Variants in UNC79 observed in about 807,000 individuals in gnomAD.
UNC79 encodes protein unc-79 homolog.
UNC79 carries 37 observed loss-of-function variants against 283.1 expected under a neutral mutation model. The ratio of observed to expected loss-of-function variants is 0.13; its 90% confidence interval spans 0.10 to 0.17. The LOEUF is 0.17. Among genes scored for constraint, UNC79 ranks in the 10% least tolerant of loss-of-function variants. The pLI is 1.00. For missense variants in UNC79, 2,272 were observed against 3,211.1 expected, an observed-to-expected ratio of 0.71 and a Z score of 7.07; for synonymous variants, 1,107 against 1,200.2, an observed-to-expected ratio of 0.92 and a Z score of 1.61.
intron 14 of UNC79, among the ~76,000 whole-genome samples, chr14:93,564,893 A>G (rs775672187): frequency 5.9e-5 from 9 of 152,214 alleles, no homozygotes; most frequent in South Asian, 2.1e-4. Context: ...TTAATTTCCA[A>G]TTACTTCAGG....
intron 1 of UNC79, among the ~76,000 whole-genome samples, chr14:93,416,024 G>C (rs2055446646): frequency 6.6e-6 from 1 of 151,468 alleles, no homozygotes; most frequent in African/African-American, 2.4e-5. Context: ...ATTTCCTTCA[G>C]TTCTGCTCTG....
chr14:93,593,270 T>C (rs1410658829), intron 22 of UNC79, among the ~76,000 whole-genome samples: 1 of 152,190 alleles, frequency 6.6e-6, no homozygotes, highest in Non-Finnish European at 1.5e-5. Flanking sequence ...AAAAGAGTTG[T>C]TCTTTGACAT....
chr14:93,380,180 C>T (rs936983797), intron 1 of UNC79, among the ~76,000 whole-genome samples: 1 of 152,166 alleles, frequency 6.6e-6, no homozygotes, highest in Non-Finnish European at 1.5e-5. Flanking sequence ...GGGAGGATGA[C>T]ATTTTTCTAT....
chr14:93,628,724 C>G (rs1189917447), intron 30 of UNC79, among the ~76,000 whole-genome samples: 1 of 152,072 alleles, frequency 6.6e-6, no homozygotes, highest in Non-Finnish European at 1.5e-5. Context: ...ATATTTTAAG[C>G]CAAGTGGATA....
chr14:93,391,180 G>T (rs928094406), intron 1 of UNC79, among the ~76,000 whole-genome samples: 2 of 152,116 alleles, frequency 1.3e-5, no homozygotes, highest in Non-Finnish European at 2.9e-5. Flanking sequence ...AGACAAAGGT[G>T]CCATTGCACA....
intron 1 of UNC79, among the ~76,000 whole-genome samples, chr14:93,417,576 C>T (rs376396299): frequency 1.3e-5 from 2 of 152,298 alleles, no homozygotes; most frequent in African/African-American, 4.8e-5. Context: ...CCTGCCTTGC[C>T]AGATTGGGGA....
At chr14:93,484,223 G>GT (rs1197576689) in intron 4 of UNC79, among the ~76,000 whole-genome samples, 1 of 152,148 alleles carries the variant, frequency 6.6e-6, no homozygotes, top group Non-Finnish European at 1.5e-5. Context: ...TGACTTGTCT[G>GT]TTTTTAGCAC....
chr14:93,598,709 A>C (rs1454741113), intron 24 of UNC79, among the ~76,000 whole-genome samples: 1 of 152,118 alleles, frequency 6.6e-6, no homozygotes, highest in Non-Finnish European at 1.5e-5. Flanking sequence ...TTTAGTAAAG[A>C]CAGGGTTTTG....
intron 1 of UNC79, among the ~76,000 whole-genome samples, chr14:93,360,579 C>T (rs781312953): frequency 1.3e-5 from 2 of 152,210 alleles, no homozygotes; most frequent in Non-Finnish European, 2.9e-5. Flanking sequence ...CCATGAGGCC[C>T]ACCAGAAGCA....
chr14:93,615,096 A>T (rs1366773742), intron 27 of UNC79, among the ~76,000 whole-genome samples: 1 of 152,156 alleles, frequency 6.6e-6, no homozygotes, highest in Admixed American at 6.5e-5. Context: ...GCTAGGGCTT[A>T]GGCACTCTCT....
exon 1 of UNC79, chr14:93,333,234 C>T (rs371372132): frequency 2.5e-6 from 1 of 401,598 alleles, no homozygotes; most frequent in East Asian, 3.6e-5. Context: ...TGCTCGTCGG[C>T]TGGGAGCCGG....
chr14:93,480,773 T>G (rs1317935662), intron 4 of UNC79, among the ~76,000 whole-genome samples: 5 of 152,278 alleles, frequency 3.3e-5, no homozygotes, highest in Middle Eastern at 3.4e-3. Flanking sequence ...GTTGTTTTGG[T>G]GTCTAGAAAT....
chr14:93,667,219 A>G (rs988104070), intron 40 of UNC79, among the ~76,000 whole-genome samples: 3 of 149,404 alleles, frequency 2.0e-5, no homozygotes, highest in African/African-American at 5.1e-5. Context: ...AAAGGAAGGA[A>G]CAAAGGAGGG....
intron 1 of UNC79, among the ~76,000 whole-genome samples, chr14:93,360,596 C>T (rs1489868327): frequency 1.3e-5 from 2 of 152,208 alleles, no homozygotes; most frequent in African/African-American, 2.4e-5. Context: ...AGCAATTTGC[C>T]TTCACTACCT....
At chr14:93,573,932 G>A (rs2063338799) in intron 16 of UNC79, among the ~76,000 whole-genome samples, 1 of 152,222 alleles carries the variant, frequency 6.6e-6, no homozygotes, top group Non-Finnish European at 1.5e-5. Context: ...TTGAGCCCAG[G>A]AGATCGAGGC....
At chr14:93,584,917 G>A (rs988724367) in intron 20 of UNC79, among the ~76,000 whole-genome samples, 3 of 151,298 alleles carry the variant, frequency 2.0e-5, no homozygotes, top group Non-Finnish European at 4.4e-5. Flanking sequence ...GGCCGGTCTC[G>A]AACTCCTGAC....
intron 29 of UNC79, 37 bp downstream of exon 30, chr14:93,618,391 T>A (rs1476260535): frequency 6.5e-7 from 1 of 1,549,712 alleles, no homozygotes; most frequent in Non-Finnish European, 8.7e-7. Context: ...CTAGCTTCAA[T>A]ACATAATAGA....
chr14:93,461,962 C>CA (rs767768906), intron 1 of UNC79, among the ~76,000 whole-genome samples: 594 of 35,976 alleles, frequency 0.017, 4 homozygotes, highest in African/African-American at 0.04. Flanking sequence ...GGTTTTCAAG[C>CA]AAAAAAAAAA....
intron 10 of UNC79, among the ~76,000 whole-genome samples, chr14:93,530,821 A>G (rs2060784170): frequency 6.6e-6 from 1 of 152,118 alleles, no homozygotes; most frequent in Non-Finnish European, 1.5e-5. Flanking sequence ...AGGCAGGAGA[A>G]TGGCGTGAAC....
Sources: gnomAD v4.1 joint callset for allele counts (sites outside exome capture counted in the v4.1 genomes callset) on GRCh38, gnomAD v4.1.1 for gene constraint, MANE v1.5 for transcripts, NCBI Gene and HGNC (gene_info 2026-07-23, HGNC 2026-07-21) for gene names.